The following RHOJ variants were observed in gnomAD, a reference collection of about 807,000 sequenced individuals.
The protein encoded by RHOJ is ras homolog family member J.
A neutral mutation model predicts 23.4 loss-of-function variants in RHOJ; 11 were observed. That is an observed-to-expected ratio of 0.47 (90% CI 0.30 to 0.78). RHOJ has a LOEUF of 0.78. RHOJ is among the 30% of genes least tolerant of loss of function. The probability of loss-of-function intolerance (pLI) is 0.08; values close to 1 mark genes in which losing one functional copy is unlikely to be tolerated. For synonymous variants in RHOJ, 102 were observed against 102.7 expected (o/e 0.99, Z 0.04); for missense variants, 254 against 273.4 (o/e 0.93, Z 0.50).
chr14:63,277,180 T>C (rs188708220), intron 2 of RHOJ, among the ~76,000 whole-genome samples: 40 of 152,340 alleles, frequency 2.6e-4, no homozygotes, highest in Admixed American at 2.0e-3. Context: ...TCTGTAACAT[T>C]GGCCCATCAT....
intron 1 of RHOJ, among the ~76,000 whole-genome samples, chr14:63,207,642 G>T (rs936332871): frequency 2.0e-5 from 3 of 152,174 alleles, no homozygotes; most frequent in African/African-American, 7.2e-5. Flanking sequence ...ACCCAGAAAA[G>T]TAGAGATAAA....
intron 1 of RHOJ, among the ~76,000 whole-genome samples, chr14:63,207,654 T>G (rs1342626979): frequency 3.9e-5 from 6 of 152,174 alleles, no homozygotes; most frequent in Non-Finnish European, 8.8e-5. Flanking sequence ...AGAGATAAAA[T>G]AGTAAGGATG....
chr14:63,207,190 C>G (rs1204443963), intron 1 of RHOJ, among the ~76,000 whole-genome samples: 2 of 152,040 alleles, frequency 1.3e-5, no homozygotes, highest in Non-Finnish European at 2.9e-5. Context: ...CGCAACCATG[C>G]CTGGCTAATT....
At chr14:63,275,947 C>A (rs151019403) in intron 2 of RHOJ, among the ~76,000 whole-genome samples, 8 of 152,176 alleles carry the variant, frequency 5.3e-5, no homozygotes, top group Admixed American at 1.3e-4. Context: ...TAATCCTGAC[C>A]CCTTTACCAT....
chr14:63,250,703 T>G (rs892214480), intron 1 of RHOJ, among the ~76,000 whole-genome samples: 2 of 152,174 alleles, frequency 1.3e-5, no homozygotes, highest in African/African-American at 4.8e-5. Context: ...TCAATGTCAC[T>G]TCTTCAAAGG....
chr14:63,208,464 G>A (rs1020865385), intron 1 of RHOJ, among the ~76,000 whole-genome samples: 3 of 152,234 alleles, frequency 2.0e-5, no homozygotes, highest in African/African-American at 7.2e-5. Context: ...GAAAGGAGCT[G>A]TGTCTTTCAT....
At chr14:63,206,660 A>G (rs1386967765) in intron 1 of RHOJ, among the ~76,000 whole-genome samples, 1 of 152,184 alleles carries the variant, frequency 6.6e-6, no homozygotes, top group Non-Finnish European at 1.5e-5. Flanking sequence ...GTATCAGGAA[A>G]AAAGAGAATC....
chr14:63,231,710 T>G (rs1275960714), intron 1 of RHOJ, among the ~76,000 whole-genome samples: 1 of 152,226 alleles, frequency 6.6e-6, no homozygotes, highest in Non-Finnish European at 1.5e-5. Flanking sequence ...CTAAAACTTA[T>G]GAGGATTAAT....
At chr14:63,284,014 A>G (rs1483633140) in intron 4 of RHOJ, among the ~76,000 whole-genome samples, 1 of 152,194 alleles carries the variant, frequency 6.6e-6, no homozygotes, top group African/African-American at 2.4e-5. Flanking sequence ...CGGACTCCTC[A>G]TCAAGTCATA....
At chr14:63,237,406 C>T (rs1894809255) in intron 1 of RHOJ, among the ~76,000 whole-genome samples, 1 of 152,100 alleles carries the variant, frequency 6.6e-6, no homozygotes, top group Non-Finnish European at 1.5e-5. Flanking sequence ...CTCTGCACAA[C>T]ACTTGAAACA....
rs578171353 is a variant in RHOJ at position 63,210,697 on chromosome 14, C to T, written c.178+5650C>T. Among the ~76,000 whole-genome samples, 8 of 152,240 alleles carry T rather than the reference C, an allele frequency of 5.3e-5. 1 individual carries two copies. Among genetic ancestry groups the T allele is most frequent in the African/African-American group, 1.4e-4 (6 of 41,536 alleles). ...CCCCTCACTGGTAAAATATTCTTAC[C>T]GATTAATGTTTCACTTGACATATAG... On this transcript the variant is annotated intron_variant, in intron 1 of 4. Coordinates refer to ENST00000316754, the MANE Select transcript of RHOJ (RefSeq NM_020663.5).
intron 1 of RHOJ, among the ~76,000 whole-genome samples, chr14:63,244,473 A>AAGGCTG (rs1200546340): frequency 6.6e-6 from 1 of 151,778 alleles, no homozygotes; most frequent in Non-Finnish European, 1.5e-5. Flanking sequence ...GATACTTGGG[A>AAGGCTG]AGGCTGAGGC....
intron 1 of RHOJ, among the ~76,000 whole-genome samples, chr14:63,227,507 A>G (rs546961415): frequency 6.6e-6 from 1 of 152,220 alleles, no homozygotes; most frequent in Non-Finnish European, 1.5e-5. Context: ...GTCTAGTTCA[A>G]GTTTATATAG....
intron 4 of RHOJ, among the ~76,000 whole-genome samples, chr14:63,285,735 A>T (rs533908089): frequency 4.2e-4 from 64 of 152,168 alleles, no homozygotes; most frequent in African/African-American, 1.5e-3. Flanking sequence ...AACTGCCCCT[A>T]TTGCTGCTAG....
At chr14:63,262,737 G>A (rs1303592747) in intron 1 of RHOJ, among the ~76,000 whole-genome samples, 4 of 152,206 alleles carry the variant, frequency 2.6e-5, no homozygotes, top group Admixed American at 2.6e-4. Flanking sequence ...CCCTGGTGCT[G>A]TATATCTGCA....
intron 1 of RHOJ, among the ~76,000 whole-genome samples, chr14:63,233,503 G>C (rs1020441758): frequency 9.9e-5 from 15 of 152,172 alleles, no homozygotes; most frequent in African/African-American, 3.4e-4. Context: ...GTAATATGAT[G>C]CCTTTGCTTA....
chr14:63,270,511 C>A (rs1895449559), intron 2 of RHOJ, among the ~76,000 whole-genome samples: 1 of 152,176 alleles, frequency 6.6e-6, no homozygotes, highest in Admixed American at 6.5e-5. Flanking sequence ...CCCCCATGTG[C>A]TCCAATGAAA....
chr14:63,284,306 G>C (rs1026677747), intron 4 of RHOJ: 2 of 985,042 alleles, frequency 2.0e-6, no homozygotes, highest in Admixed American at 1.2e-4. Flanking sequence ...ACACCTGATC[G>C]AGATACTGAA....
intron 2 of RHOJ, among the ~76,000 whole-genome samples, chr14:63,272,193 C>T (rs1895483320): frequency 1.3e-5 from 2 of 152,136 alleles, no homozygotes. Flanking sequence ...GAAATGTATC[C>T]CCGTAGTTCT....
Sources: allele counts gnomAD v4.1 joint callset (sites outside exome capture counted in the v4.1 genomes callset), GRCh38; gene constraint gnomAD v4.1.1; transcripts MANE v1.5; gene names NCBI Gene and HGNC (gene_info 2026-07-23, HGNC 2026-07-21).